STAG2: variants seen among roughly 807,000 people sequenced by gnomAD.
STAG2 encodes STAG2 cohesin complex component, also known as cohesin subunit SA-2.
STAG2 carries 14 observed loss-of-function variants against 108.1 expected under a neutral mutation model. That is an observed-to-expected ratio of 0.13 (90% confidence interval 0.09 to 0.20). The LOEUF (loss-of-function observed/expected upper bound fraction) is 0.20. STAG2 is among the 10% of genes least tolerant of loss of function. STAG2 has a pLI of 1.00. For missense variants in STAG2, 440 were observed against 940.9 expected (o/e 0.47, Z 6.96); for synonymous variants, 307 against 302.7 (o/e 1.01, Z -0.15).
At chrX:124,006,605 AT>A (rs1333898738) in intron 1 of STAG2, among the ~76,000 whole-genome samples, 50 of 108,984 alleles carry the variant, frequency 4.6e-4, no homozygotes, top group African/African-American at 1.6e-3. Flanking sequence ...CGCCCGGCTA[AT>A]TTTTTTGTAT....
intron 1 of STAG2, among the ~76,000 whole-genome samples, chrX:123,983,979 T>C (rs780423000): frequency 4.3e-3 from 252 of 58,220 alleles, no homozygotes; most frequent in Non-Finnish European, 7.3e-3. Context: ...CTTTTCTTTT[T>C]TTTTTTTTTT....
rs1053118172 is a variant in STAG2, at chrX:123,972,581, G to A, written c.-163+10725G>A. On this transcript the variant is annotated intron_variant, in intron 1 of 34. Transcript: ENST00000371145. ...CCACCGCGCCCGGCCAATTTTTAAG[G>A]TCTTTTATTTAGTTCATTGAAACCA... Among the ~76,000 whole-genome samples the A allele has an allele frequency of 4.5e-5, 5 of 109,959 alleles. No individual in the cohort carries two copies. In the Admixed American group the frequency reaches 4.9e-4, roughly 11 times the overall value.
chrX:123,979,572 G>T (rs2069526101), intron 1 of STAG2, among the ~76,000 whole-genome samples: 1 of 111,485 alleles, frequency 9.0e-6, no homozygotes, highest in Non-Finnish European at 1.9e-5. Context: ...AGGTGTTTGG[G>T]CCTGTTTTGG....
intron 4 of STAG2, among the ~76,000 whole-genome samples, chrX:124,028,204 G>A (rs755943913): frequency 5.2e-4 from 58 of 111,801 alleles, no homozygotes; most frequent in Non-Finnish European, 7.7e-4. Context: ...CTCATTTACA[G>A]AATATAGCAG....
chrX:124,008,413 A>G, intron 1 of STAG2, among the ~76,000 whole-genome samples: 1 of 110,276 alleles, frequency 9.1e-6, no homozygotes, highest in Non-Finnish European at 1.9e-5. Flanking sequence ...GGGTTTCACC[A>G]TGTTGGTCAG....
At chrX:123,974,864 A>G (rs1330310337) in intron 1 of STAG2, among the ~76,000 whole-genome samples, 1 of 111,872 alleles carries the variant, frequency 8.9e-6, no homozygotes. Flanking sequence ...GGCATGAGCC[A>G]CCACACCCGG....
At chrX:123,985,448 C>G (rs1274580388) in intron 1 of STAG2, among the ~76,000 whole-genome samples, 1 of 111,411 alleles carries the variant, frequency 9.0e-6, no homozygotes, top group African/African-American at 3.3e-5. Flanking sequence ...CCAGGCTGGT[C>G]ATTATGTGCT....
chrX:123,967,382 C>T (rs1397400871), intron 1 of STAG2, among the ~76,000 whole-genome samples: 2 of 106,006 alleles, frequency 1.9e-5, no homozygotes, highest in Non-Finnish European at 3.9e-5. Flanking sequence ...TCTCCTGCCT[C>T]GGCCTCCCGA....
At chrX:124,009,520 G>A (rs775559775) in intron 1 of STAG2, among the ~76,000 whole-genome samples, 4 of 109,777 alleles carry the variant, frequency 3.6e-5, no homozygotes, top group African/African-American at 1.3e-4. Flanking sequence ...GCTTCCTCTC[G>A]AGTTTAATGG....
chrX:124,013,070 G>A (rs1399778998), intron 1 of STAG2, among the ~76,000 whole-genome samples: 1 of 111,182 alleles, frequency 9.0e-6, no homozygotes, highest in African/African-American at 3.3e-5. Context: ...AAATGGTTTA[G>A]ATGGCAATAA....
At chrX:123,965,004 G>T (rs1453504247) in intron 1 of STAG2, among the ~76,000 whole-genome samples, 1 of 97,204 alleles carries the variant, frequency 1.0e-5, no homozygotes, top group Non-Finnish European at 2.0e-5. Context: ...TTCAGTGTCA[G>T]GTTTATTTTT....
chrX:124,050,064 C>T, intron 10 of STAG2, 122 bp from the exon 11 acceptor site: 5 of 814,900 alleles, frequency 6.1e-6, no homozygotes, highest in Non-Finnish European at 8.4e-6. Flanking sequence ...TTTTTTAATC[C>T]CTAGTAATAA....
chrX:123,976,376 G>T (rs995907561), intron 1 of STAG2, among the ~76,000 whole-genome samples: 1 of 112,115 alleles, frequency 8.9e-6, no homozygotes. Context: ...GTATTTGAAT[G>T]TACAATATTG....
At chrX:123,990,594 A>T (rs754935617) in intron 1 of STAG2, among the ~76,000 whole-genome samples, 1 of 111,878 alleles carries the variant, frequency 8.9e-6, no homozygotes, top group East Asian at 2.8e-4. Flanking sequence ...TTTGTTCTCA[A>T]TGTCCACAGT....
intron 1 of STAG2, among the ~76,000 whole-genome samples, chrX:124,006,159 GAC>G (rs1177721308): frequency 9.0e-6 from 1 of 111,498 alleles, no homozygotes; most frequent in Non-Finnish European, 1.9e-5. Flanking sequence ...ATGTTTGGGA[GAC>G]ACAATTAAAC....
chrX:124,006,126 G>A (rs747929999), intron 1 of STAG2, among the ~76,000 whole-genome samples: 4 of 111,558 alleles, frequency 3.6e-5, no homozygotes, highest in Non-Finnish European at 5.6e-5. Context: ...TGAGGTACTG[G>A]GGGATAGGAC....
intron 25 of STAG2, among the ~76,000 whole-genome samples, chrX:124,073,686 G>C (rs902452438): frequency 5.9e-4 from 66 of 111,095 alleles, no homozygotes; most frequent in African/African-American, 2.1e-3. Context: ...GCTTCTCAAG[G>C]TGCTGGGATT....
intron 1 of STAG2, among the ~76,000 whole-genome samples, chrX:124,019,092 G>A (rs1315860598): frequency 1.2e-5 from 1 of 86,000 alleles, no homozygotes; most frequent in East Asian, 3.5e-4. Context: ...ATGGAGTCTC[G>A]CTCTGTCACC....
At chrX:124,021,160 A>G (rs2056913114) in intron 1 of STAG2, among the ~76,000 whole-genome samples, 2 of 112,225 alleles carry the variant, frequency 1.8e-5, no homozygotes, top group African/African-American at 3.2e-5. Context: ...AAGCTAGGAA[A>G]TACAATGTTT....
Sources: allele counts gnomAD v4.1 joint callset (sites outside exome capture counted in the v4.1 genomes callset), GRCh38; gene constraint gnomAD v4.1.1; transcripts MANE v1.5; gene names NCBI Gene and HGNC (gene_info 2026-07-23, HGNC 2026-07-21).